HCFC2: variants seen among roughly 807,000 people sequenced by gnomAD.
HCFC2 encodes the protein host cell factor C2.
HCFC2 carries 18 observed loss-of-function variants against 89.2 expected under a neutral mutation model. The ratio of observed to expected loss-of-function variants is 0.20; its 90% CI spans 0.14 to 0.30. The LOEUF is 0.30. Ranked by LOEUF, HCFC2 falls within the 10% of genes least tolerant of loss-of-function variation. The pLI is 1.00. For synonymous variants in HCFC2, 308 were observed against 335.7 expected (o/e 0.92, Z 0.90); for missense variants, 578 against 956.1 (o/e 0.60, Z 5.21).
intron 9 of HCFC2, among the ~76,000 whole-genome samples, chr12:104,093,098 A>G (rs1357973216): frequency 1.3e-5 from 2 of 152,166 alleles, no homozygotes; most frequent in Non-Finnish European, 1.5e-5. Flanking sequence ...TTTGCTTGTG[A>G]TACTAGCTAT....
chr12:104,079,674 G>C, intron 4 of HCFC2, 21 bp downstream of exon 4: 1 of 1,571,982 alleles, frequency 6.4e-7, no homozygotes. Flanking sequence ...CTTGATTCAG[G>C]CTCAGGAATA....
At chr12:104,069,920 G>C (rs1369369042) in intron 3 of HCFC2, among the ~76,000 whole-genome samples, 6 of 152,060 alleles carry the variant, frequency 3.9e-5, no homozygotes, top group Non-Finnish European at 4.4e-5. Flanking sequence ...TCATTGTTCA[G>C]CTCCCTCTTA....
Position 104,104,745 on chromosome 12 carries a change from ATG to A in HCFC2, c.*1476_*1477del, listed in dbSNP as rs1279593217. Reference sequence around the variant, plus strand: ...TTTTATACTACAGTATTTGTAATTAATGTGTCTCACTAATTAAGTTTCTCTTG... The same window carrying A: ...TTTTATACTACAGTATTTGTAATTAATGTCTCACTAATTAAGTTTCTCTTG... On this transcript the variant is annotated 3_prime_UTR_variant, in exon 15 of 15. Transcript: ENST00000229330. The A allele has an allele frequency of 6.6e-6, 1 of 152,040 alleles. No homozygotes were observed. The allele number at this position is 152,040 out of a possible 1,614,324, so 9.4% of individuals were successfully genotyped here. A position where few individuals can be genotyped will look rare whatever the true frequency, so the allele number is the denominator to read the frequency against.
At chr12:104,067,420 A>C (rs1034072568) in intron 2 of HCFC2, among the ~76,000 whole-genome samples, 4 of 152,218 alleles carry the variant, frequency 2.6e-5, no homozygotes, top group South Asian at 4.1e-4. Context: ...GGCGGTGATC[A>C]TGCGGGTATC....
At position 104,064,820 on chromosome 12, in the gene HCFC2, C is replaced by A; in HGVS notation, c.163+97C>A. 2 of 1,152,018 alleles carry A rather than the reference C, an allele frequency of 1.7e-6. No individual in the cohort carries two copies. Among genetic ancestry groups the A allele is most frequent in the African/African-American group, 1.6e-5 (1 of 61,040 alleles). The allele number at this position is 1,152,018 out of a possible 1,614,324, so 71.4% of individuals were successfully genotyped here. ...CGCGGCCCTGACAGCTGTCACCGCC[C>A]GGTCACTGCTTCCTTGGGCGGGCGG... is the stretch of plus-strand genomic sequence containing the variant. On this transcript the variant is annotated intron_variant, in intron 1 of 14. Transcript: ENST00000229330. The surrounding 1 kb of genome is among the most constrained non-coding windows in gnomAD (Gnocchi z 7.3).
At chr12:104,073,477 T>A (rs1296123745) in intron 3 of HCFC2, among the ~76,000 whole-genome samples, 3 of 152,176 alleles carry the variant, frequency 2.0e-5, no homozygotes, top group Non-Finnish European at 2.9e-5. Context: ...TTGCCTTTTT[T>A]AAAAAGGGTT....
intron 10 of HCFC2, among the ~76,000 whole-genome samples, chr12:104,094,815 C>CA (rs1391940770): frequency 6.6e-6 from 1 of 151,946 alleles, no homozygotes; most frequent in Non-Finnish European, 1.5e-5. Context: ...AGCCAAGGAC[C>CA]AAAACCTACT....
At chr12:104,084,833 A>C (rs1883788212) in intron 7 of HCFC2, among the ~76,000 whole-genome samples, 3 of 152,196 alleles carry the variant, frequency 2.0e-5, no homozygotes, top group Non-Finnish European at 4.4e-5. Flanking sequence ...TGTTGACAGA[A>C]CTGGTTGATA....
chr12:104,083,902 T>A (rs1031268165), intron 7 of HCFC2, among the ~76,000 whole-genome samples: 1 of 152,056 alleles, frequency 6.6e-6, no homozygotes, highest in African/African-American at 2.4e-5. Context: ...CTCATGCCTA[T>A]AGTCCCAGCT....
chr12:104,098,582 A>G, intron 13 of HCFC2, 102 bp downstream of exon 13: 3 of 1,242,446 alleles, frequency 2.4e-6, no homozygotes, highest in Non-Finnish European at 3.3e-6. Flanking sequence ...TAAGAATGAG[A>G]TTTCTTTTTT....
intron 1 of HCFC2, chr12:104,065,033 C>T (rs1474520010): frequency 2.1e-5 from 6 of 281,284 alleles, no homozygotes; most frequent in African/African-American, 2.2e-5. Flanking sequence ...CATGTCCAAC[C>T]GCCTGGGCCA....
chr12:104,102,943 TCCCCCCCCC>T lies in HCFC2; in HGVS notation c.2065-15_2065-7del. 3 of 1,547,786 alleles carry T rather than the reference TCCCCCCCCC, an allele frequency of 1.9e-6. No individual in the cohort carries two copies. Among genetic ancestry groups the T allele is most frequent in the East Asian group, 2.3e-5 (1 of 43,042 alleles). On this transcript the variant is annotated splice_polypyrimidine_tract_variant and splice_region_variant and intron_variant, in intron 14 of 14. Coordinates refer to ENST00000229330, the MANE Select transcript of HCFC2 (RefSeq NM_013320.3). Reference sequence around the variant, plus strand: ...ACTTAAGAACCTTTAACCTGTTTTTTCCCCCCCCCTTCAAGAATGTTGAAGGTATCCACC... The same window carrying T: ...ACTTAAGAACCTTTAACCTGTTTTTTTTCAAGAATGTTGAAGGTATCCACC...
intron 9 of HCFC2, among the ~76,000 whole-genome samples, chr12:104,089,231 G>A (rs560410697): frequency 1.3e-5 from 2 of 152,232 alleles, no homozygotes; most frequent in South Asian, 2.1e-4. Flanking sequence ...AATAATCCAC[G>A]GCCAGGCGTG....
chr12:104,086,619 AAAAT>A (rs58372181), intron 7 of HCFC2, among the ~76,000 whole-genome samples: 16,948 of 146,470 alleles, frequency 0.12, 1,212 homozygotes, highest in Admixed American at 0.19. Flanking sequence ...TTTGTCTAAG[AAAAT>A]AAATAAATAA....
At position 104,095,582 on chromosome 12, in the gene HCFC2, A is replaced by G. The variant is rs180819491; in HGVS notation, c.1666+19A>G. On this transcript the variant is annotated intron_variant, in intron 11 of 14. Coordinates refer to ENST00000229330, the MANE Select transcript of HCFC2 (RefSeq NM_013320.3). The surrounding 1 kb of genome is among the most constrained non-coding windows in gnomAD (Gnocchi z 4.2). ...TCTGAAGGTTTGAAATGTGTTTCAC[A>G]TACTGTATTTTGAACCATTTATGTA... The G allele has an allele frequency of 2.5e-6, 4 of 1,588,594 alleles. No individual in the cohort carries two copies. The highest frequency in any genetic ancestry group is 2.2e-5 in the East Asian group (1 of 44,682).
chr12:104,066,359 A>G lies in HCFC2; in HGVS notation c.312+44A>G. On this transcript the variant is annotated intron_variant, in intron 2 of 14. Coordinates refer to ENST00000229330, the MANE Select transcript of HCFC2 (RefSeq NM_013320.3). ...GTTTCATTCTGAGGCTTTAATAATG[A>G]TATTGTTCATAATTTTTCAAAAGAT... 7 of 1,424,896 alleles carry G rather than the reference A, an allele frequency of 4.9e-6. 1 individual carries two copies. Among genetic ancestry groups the G allele is most frequent in the Middle Eastern group, 3.6e-4 (2 of 5,530 alleles). The allele number at this position is 1,424,896 out of a possible 1,614,324, so 88.3% of individuals were successfully genotyped here.
intron 9 of HCFC2, among the ~76,000 whole-genome samples, chr12:104,089,910 T>C (rs1883976083): frequency 6.6e-6 from 1 of 152,132 alleles, no homozygotes; most frequent in African/African-American, 2.4e-5. Context: ...GACATAAAGG[T>C]AGTTTCTTTT....
Position 104,102,104 on chromosome 12 carries a change from C to G in HCFC2, c.2015C>G (p.Thr672Ser). Residue 672 changes from threonine (T) to serine (S), a missense_variant, in exon 14 of 15, where the codon ACT becomes AGT. This residue lies in a region of HCFC2 where 140 missense variants were observed against 266.4 expected (regional missense o/e 0.53). Coordinates refer to ENST00000229330, the MANE Select transcript of HCFC2 (RefSeq NM_013320.3). ...TTCAGCAAAATCAGTGAATTTAAAACTTGTATTCCTGGTTTTCCTGGAGCT... is the reference window on the plus strand; with the variant it reads ...TTCAGCAAAATCAGTGAATTTAAAAGTTGTATTCCTGGTTTTCCTGGAGCT... ...GPFSKISEFK[T>S]CIPGFPGAPS... The G allele has an allele frequency of 1.9e-6, 3 of 1,613,818 alleles. No homozygotes were observed. Among genetic ancestry groups the G allele is most frequent in the Non-Finnish European group, 2.5e-6 (3 of 1,179,858 alleles).
In HCFC2 at chr12:104,095,448, T is replaced by C. The variant is rs1884147847; in HGVS notation, c.1551T>C (p.Val517=). 3 of 1,613,658 alleles carry C rather than the reference T, an allele frequency of 1.9e-6. No homozygotes were observed. The highest frequency in any genetic ancestry group is 2.5e-6 in the Non-Finnish European group (3 of 1,179,766). ...CTGAAACATCTGTATCCAGTACTGT[T>C]TCCAGCACACAAACTATGGTAACCC... ...VIPETSVSST[V]SSTQTMVTQQ... Residue 517 remains valine, a synonymous_variant, in exon 11 of 15, where the codon GTT becomes GTC. Transcript: ENST00000229330. The surrounding 1 kb of genome is among the most constrained non-coding windows in gnomAD (Gnocchi z 4.2).
Sources: allele counts gnomAD v4.1 joint callset (sites outside exome capture counted in the v4.1 genomes callset), GRCh38; gene constraint gnomAD v4.1.1; regional missense constraint gnomAD v4.1.1; non-coding constraint Gnocchi (gnomAD v3.1); transcripts MANE v1.5; gene names NCBI Gene and HGNC (gene_info 2026-07-23, HGNC 2026-07-21).